LHX6: variants seen among roughly 807,000 people sequenced by gnomAD.
The protein encoded by LHX6 is LIM/homeobox protein Lhx6.
In LHX6, 15 loss-of-function variants were observed where a neutral mutation model predicts 47.1. The observed-to-expected ratio is 0.32, with a 90% CI of 0.21 to 0.49. The LOEUF (loss-of-function observed/expected upper bound fraction) is 0.49, where lower values mean the gene tolerates loss of function less well. Among genes scored for constraint, LHX6 ranks in the 20% least tolerant of loss-of-function variants. The pLI, the probability that LHX6 is intolerant of heterozygous loss-of-function variation, is 0.99. For synonymous variants in LHX6, 242 were observed against 233.5 expected, an observed-to-expected ratio of 1.04 and a Z score of -0.33; for missense variants, 404 against 539.6, an observed-to-expected ratio of 0.75 and a Z score of 2.49.
In LHX6 at chr9:122,209,645, A is replaced by G. The variant is rs1297908688; in HGVS notation, c.1127T>C (p.Met376Thr). 3 of 1,558,272 alleles carry G rather than the reference A, an allele frequency of 1.9e-6. No individual in the cohort carries two copies. The highest frequency in any genetic ancestry group is 2.2e-5 in the East Asian group (1 of 44,618). ...ACCCCGGTTGGAGAGCGGCCCATCC[A>G]TATCGGCTTTGAGGTGGACGGGGGG... is the stretch of plus-strand genomic sequence containing the variant. ...TAPPVHLKAD[M>T]DGPLSNRGEK... Residue 376 changes from methionine to threonine, a missense_variant, in exon 9 of 10, where the codon ATG becomes ACG. By Grantham distance (81) the Met-to-Thr change is moderately conservative (BLOSUM62 -1). This residue lies in a region of LHX6 where 127 missense variants were observed against 116.1 expected (regional missense o/e 1.09). Transcript: ENST00000394319.
At chr9:122,228,498 C>T (rs540509864) in intron 1 of LHX6, 159 bp downstream of exon 1, 7 of 1,415,286 alleles carry the variant, frequency 4.9e-6, no homozygotes, top group African/African-American at 4.5e-5. Context: ...CCCCCCCCCC[C>T]GCTCGCGCGC....
At chr9:122,228,152 T>A in intron 1 of LHX6, 2 of 663,894 alleles carry the variant, frequency 3.0e-6, no homozygotes, top group Non-Finnish European at 4.6e-6. Context: ...GAAGCAGCTA[T>A]ATTGACACGG....
intron 4 of LHX6, among the ~76,000 whole-genome samples, chr9:122,222,435 C>T (rs180770033): frequency 1.6e-3 from 236 of 152,204 alleles, no homozygotes; most frequent in Non-Finnish European, 1.8e-3. Context: ...TGCTGGGAAT[C>T]TCAGGGAGTA....
chr9:122,208,708 C>A (rs894669766), intron 9 of LHX6, among the ~76,000 whole-genome samples: 1 of 151,946 alleles, frequency 6.6e-6, no homozygotes, highest in Admixed American at 6.6e-5. Context: ...GTGGTAGGCG[C>A]CTGTAATCCC....
rs114792433 is a variant in LHX6, at chr9:122,218,423, G to A, written c.462-1135C>T. Among the ~76,000 whole-genome samples the A allele has an allele frequency of 5.7e-3, 868 of 152,072 alleles. 8 individuals carry two copies. Among genetic ancestry groups the A allele is most frequent in the African/African-American group, 0.02 (830 of 41,468 alleles). ...TCAACCCCTCATCCAGCCAATCATC[G>A]ATGCTGTTGGTTCTGTTTCCCAAGT... On this transcript the variant is annotated intron_variant, in intron 4 of 9. Coordinates refer to ENST00000394319, the MANE Select transcript of LHX6 (RefSeq NM_014368.5).
At chr9:122,220,581 G>A (rs1830807337) in intron 4 of LHX6, among the ~76,000 whole-genome samples, 1 of 152,228 alleles carries the variant, frequency 6.6e-6, no homozygotes, top group Admixed American at 6.5e-5. Context: ...AGATGTGCAG[G>A]AACTGCCACC....
At chr9:122,228,492 C>T in intron 1 of LHX6, 165 bp downstream of exon 1, 1 of 1,335,338 alleles carries the variant, frequency 7.5e-7, no homozygotes, top group East Asian at 2.9e-5. Context: ...CGCGACCCCC[C>T]CCCCCCGCTC....
chr9:122,228,883 G>C lies in LHX6; in HGVS notation c.-143C>G. The C allele has an allele frequency of 2.8e-6, 1 of 350,930 alleles. No homozygotes were observed. The highest frequency in any genetic ancestry group is 7.7e-5 in the East Asian group (1 of 13,020). 21.7% of individuals were successfully genotyped at this position (350,930 alleles called of 1,614,324 possible). A position where few individuals can be genotyped will look rare whatever the true frequency, so the allele number is the denominator to read the frequency against. On this transcript the variant is annotated 5_prime_UTR_variant, in exon 1 of 10. Transcript: ENST00000394319. ...CCCCGCCGCCCCGGGCCCGGCCTCA[G>C]CCCCCGCCCCCGGCCCGCGCGCAGC...
chr9:122,215,948 G>C (rs962050406), intron 5 of LHX6, among the ~76,000 whole-genome samples: 2 of 152,148 alleles, frequency 1.3e-5, no homozygotes, highest in Non-Finnish European at 2.9e-5. Flanking sequence ...TGGTGTGTTG[G>C]TTTTTTAGAT....
chr9:122,205,164 G>A (rs1830125231), intron 9 of LHX6, among the ~76,000 whole-genome samples: 1 of 152,234 alleles, frequency 6.6e-6, no homozygotes, highest in Admixed American at 6.5e-5. Flanking sequence ...GGCTCAAAGA[G>A]GTGGAAGCGA....
intron 4 of LHX6, among the ~76,000 whole-genome samples, chr9:122,219,227 C>T (rs1830721512): frequency 6.6e-6 from 1 of 152,256 alleles, no homozygotes; most frequent in South Asian, 2.1e-4. Context: ...TCTCCGCTCG[C>T]AGATTCAACC....
At chr9:122,225,303 T>C (rs1358038557) in intron 4 of LHX6, among the ~76,000 whole-genome samples, 1 of 152,206 alleles carries the variant, frequency 6.6e-6, no homozygotes, top group African/African-American at 2.4e-5. Flanking sequence ...CAAGCATCCC[T>C]CTCAGGAAGT....
At chr9:122,225,341 A>G (rs1831050307) in intron 4 of LHX6, among the ~76,000 whole-genome samples, 1 of 152,244 alleles carries the variant, frequency 6.6e-6, no homozygotes, top group African/African-American at 2.4e-5. Context: ...CTCTGATCCT[A>G]TAGGCCTGGT....
rs961653498 is a variant in LHX6, at chr9:122,226,712, C to T, written c.339+136G>A. 1.0e-4 allele frequency: 130 copies of T among 1,249,628 alleles called. 2 individuals carry two copies. The highest frequency in any genetic ancestry group is 8.9e-5 in the Non-Finnish European group (82 of 919,936). The allele number at this position is 1,249,628 out of a possible 1,614,324, so 77.4% of individuals were successfully genotyped here. On this transcript the variant is annotated intron_variant, in intron 3 of 9. Transcript: ENST00000394319. The surrounding 1 kb of genome is among the most constrained non-coding windows in gnomAD (Gnocchi z 6.5). The stretch of plus-strand genomic sequence containing the variant: ...CCGGGGGCTCAGGCAGACCCTAAGT[C>T]TTGCCCAAAGCTTCGCAGTCGGGCA...
Position 122,226,742 on chromosome 9 carries a change from T to C in LHX6, c.339+106A>G. The C allele has an allele frequency of 7.4e-7, 1 of 1,355,010 alleles. No homozygotes were observed. The highest frequency in any genetic ancestry group is 1.0e-6 in the Non-Finnish European group (1 of 1,004,478). The allele number at this position is 1,355,010 out of a possible 1,614,324, so 83.9% of individuals were successfully genotyped here. The stretch of plus-strand genomic sequence containing the variant: ...CCAAAGCTTCGCAGTCGGGCAGCAG[T>C]GGAGCCAGGATTTGGAAGTAAGAGG... On this transcript the variant is annotated intron_variant, in intron 3 of 9. Coordinates refer to ENST00000394319, the MANE Select transcript of LHX6 (RefSeq NM_014368.5). This position sits in a 1 kb window ranked among gnomAD's most constrained non-coding sequence, Gnocchi z 6.5.
chr9:122,217,336 A>G lies in LHX6; in HGVS notation c.462-48T>C. On this transcript the variant is annotated intron_variant, in intron 4 of 9. Coordinates refer to ENST00000394319, the MANE Select transcript of LHX6 (RefSeq NM_014368.5). The surrounding 1 kb of genome is among the most constrained non-coding windows in gnomAD (Gnocchi z 4.9). ...CGGGGTGTCGAGACTCAGACAGGCCAACCTTCCTCCTTCCACCACCCAATG... is the reference window on the plus strand; with the variant it reads ...CGGGGTGTCGAGACTCAGACAGGCCGACCTTCCTCCTTCCACCACCCAATG... 1 of 1,499,806 alleles carries G rather than the reference A, an allele frequency of 6.7e-7. No homozygotes were observed. Among genetic ancestry groups the G allele is most frequent in the South Asian group, 1.2e-5 (1 of 82,190 alleles). 92.9% of individuals were successfully genotyped at this position (1,499,806 alleles called of 1,614,324 possible). A position where few individuals can be genotyped will look rare whatever the true frequency, so the allele number is the denominator to read the frequency against.
In LHX6 at chr9:122,226,689, G is replaced by C. The variant is rs1831115462; in HGVS notation, c.339+159C>G. 4.2e-6 allele frequency: 5 copies of C among 1,194,936 alleles called. No homozygotes were observed. Among genetic ancestry groups the C allele is most frequent in the Non-Finnish European group, 5.7e-6 (5 of 877,520 alleles). The allele number at this position is 1,194,936 out of a possible 1,614,324, so 74.0% of individuals were successfully genotyped here. The stretch of plus-strand genomic sequence containing the variant: ...TCTTCTTATTTTTCAGACGGAACCC[G>C]GGGGCTCAGGCAGACCCTAAGTCTT... On this transcript the variant is annotated intron_variant, in intron 3 of 9. Transcript: ENST00000394319. This position sits in a 1 kb window ranked among gnomAD's most constrained non-coding sequence, Gnocchi z 6.5.
chr9:122,213,814 G>A lies in LHX6; in HGVS notation c.880-34C>T, dbSNP rs1408053285. 9.6e-6 allele frequency: 15 copies of A among 1,557,922 alleles called. No individual in the cohort carries two copies. The highest frequency in any genetic ancestry group is 1.3e-5 in the Non-Finnish European group (15 of 1,151,906). ...ACAGCCTCGGCAGCCTCAGCCTCGA[G>A]GAAAAGAGTCGGACGCGCCGCCGGG... is the stretch of plus-strand genomic sequence containing the variant. On this transcript the variant is annotated intron_variant, in intron 7 of 9. Coordinates refer to ENST00000394319, the MANE Select transcript of LHX6 (RefSeq NM_014368.5). This position sits in a 1 kb window ranked among gnomAD's most constrained non-coding sequence, Gnocchi z 5.5.
chr9:122,212,936 G>A (rs896550744), intron 8 of LHX6, among the ~76,000 whole-genome samples: 1 of 152,108 alleles, frequency 6.6e-6, no homozygotes, highest in African/African-American at 2.4e-5. Context: ...TGGCATTATT[G>A]ACATCCCAGG....
Sources: allele counts gnomAD v4.1 joint callset (sites outside exome capture counted in the v4.1 genomes callset), GRCh38; gene constraint gnomAD v4.1.1; regional missense constraint gnomAD v4.1.1; non-coding constraint Gnocchi (gnomAD v3.1); transcripts MANE v1.5; gene names NCBI Gene and HGNC (gene_info 2026-07-23, HGNC 2026-07-21).